The following FGF12 variants were observed in gnomAD, a reference collection of about 807,000 sequenced individuals.
FGF12 encodes the protein fibroblast growth factor 12.
FGF12 carries 14 observed loss-of-function variants against 23.6 expected under a neutral mutation model. The observed-to-expected ratio is 0.59, with a 90% CI of 0.39 to 0.93. FGF12 has a LOEUF of 0.93. FGF12 is among the 40% of genes least tolerant of loss of function. The pLI, the probability that FGF12 is intolerant of heterozygous loss-of-function variation, is 0.00. For missense variants in FGF12, 175 were observed against 217.8 expected (o/e 0.80, Z 1.24); for synonymous variants, 62 against 77.3 (o/e 0.80, Z 1.04).
At chr3:192,493,645 A>G (rs1723865984) in intron 2 of FGF12, among the ~76,000 whole-genome samples, 2 of 152,252 alleles carry the variant, frequency 1.3e-5, no homozygotes, top group African/African-American at 4.8e-5. Flanking sequence ...GGCCTCAGGA[A>G]ACTTACAATC....
intron 4 of FGF12, among the ~76,000 whole-genome samples, chr3:192,278,745 A>G (rs908298810): frequency 6.6e-6 from 1 of 152,218 alleles, no homozygotes; most frequent in African/African-American, 2.4e-5. Context: ...GACCGGACAG[A>G]GTTTCAGTTG....
In FGF12 at chr3:192,452,932, A is replaced by C. The variant is rs77531128; in HGVS notation, c.14-92394T>G. On this transcript the variant is annotated intron_variant, in intron 2 of 5. Transcript: ENST00000445105. ...TATTGTATATACATGCATATTTTTT[A>C]TTAACCTACCTAATGTGCCTGTTTC... 4.0e-3 allele frequency among the ~76,000 whole-genome samples: 602 copies of C among 152,180 alleles called. 2 individuals carry two copies. The highest frequency in any genetic ancestry group is 0.014 in the African/African-American group (562 of 41,530).
At chr3:192,666,565 T>C (rs956346908) in intron 2 of FGF12, among the ~76,000 whole-genome samples, 2 of 152,196 alleles carry the variant, frequency 1.3e-5, no homozygotes, top group Admixed American at 6.5e-5. Flanking sequence ...ACAGGGACCA[T>C]AGTCTGGCTG....
chr3:192,595,821 A>G (rs1048000569), intron 2 of FGF12, among the ~76,000 whole-genome samples: 5 of 152,146 alleles, frequency 3.3e-5, no homozygotes, highest in African/African-American at 1.2e-4. Flanking sequence ...AAAGCCAAGC[A>G]CAGTGGCTCA....
chr3:192,179,639 G>A (rs778893105), intron 4 of FGF12, among the ~76,000 whole-genome samples: 10 of 151,258 alleles, frequency 6.6e-5, no homozygotes, highest in Non-Finnish European at 8.8e-5. Flanking sequence ...TCCGCCTCCC[G>A]GGTTCAAGTG....
chr3:192,405,210 A>T (rs1720912355), intron 2 of FGF12, among the ~76,000 whole-genome samples: 1 of 151,104 alleles, frequency 6.6e-6, no homozygotes, highest in African/African-American at 2.5e-5. Context: ...GGCCATACCT[A>T]GTCATTTCCC....
intron 2 of FGF12, among the ~76,000 whole-genome samples, chr3:192,722,629 A>C (rs1321386805): frequency 6.6e-6 from 1 of 152,158 alleles, no homozygotes; most frequent in East Asian, 1.9e-4. Flanking sequence ...TAAGTTTCCC[A>C]CACTTCTCCC....
chr3:192,156,892 A>AT (rs1714456619), intron 5 of FGF12, among the ~76,000 whole-genome samples: 1 of 151,746 alleles, frequency 6.6e-6, no homozygotes, highest in South Asian at 2.1e-4. Flanking sequence ...TTTTCTTCTT[A>AT]TTTTTCCTCT....
chr3:192,251,631 A>G (rs1192179986), intron 4 of FGF12, among the ~76,000 whole-genome samples: 2 of 152,188 alleles, frequency 1.3e-5, no homozygotes, highest in Admixed American at 1.3e-4. Context: ...TGTATTATAT[A>G]CAATACAAAG....
chr3:192,525,832 T>C (rs1724929691), intron 2 of FGF12, among the ~76,000 whole-genome samples: 2 of 152,238 alleles, frequency 1.3e-5, no homozygotes. Context: ...TGGAGTGCAG[T>C]GGCACCGTCT....
chr3:192,193,745 C>A (rs1170155070), intron 4 of FGF12, among the ~76,000 whole-genome samples: 1 of 152,026 alleles, frequency 6.6e-6, no homozygotes, highest in East Asian at 1.9e-4. Context: ...CTTTTAAATA[C>A]TAGAAAGCAG....
chr3:192,691,053 C>T (rs1429769326), intron 2 of FGF12, among the ~76,000 whole-genome samples: 1 of 151,796 alleles, frequency 6.6e-6, no homozygotes, highest in Non-Finnish European at 1.5e-5. Context: ...ATTAACAGAT[C>T]CGAAGGGGGA....
chr3:192,463,271 T>A lies in FGF12; in HGVS notation c.14-102733A>T, dbSNP rs548572043. 1.8e-4 allele frequency among the ~76,000 whole-genome samples: 28 copies of A among 151,982 alleles called. No homozygotes were observed. In the South Asian group the frequency reaches 5.8e-3, roughly 32 times the overall value. On this transcript the variant is annotated intron_variant, in intron 2 of 5. Coordinates refer to ENST00000445105, the MANE Select transcript of FGF12 (RefSeq NM_004113.6). ...CCATTTCTACTAAAAATACAAAAAA[T>A]TAGCCAGGTGTGGTGGCACATACCT...
Position 192,348,573 on chromosome 3 carries a change from G to C in FGF12, c.124+11855C>G, listed in dbSNP as rs371898151. Among the ~76,000 whole-genome samples, 26 of 152,148 alleles carry C rather than the reference G, an allele frequency of 1.7e-4. No individual in the cohort carries two copies. The East Asian group carries it at 3.3e-3, about 19-fold the overall frequency. Reference sequence around the variant, plus strand: ...TAAAGTAAACCTCCATAATATTTTAGAACTAAACCACGTTGCCTTCTTAAT... The same window carrying C: ...TAAAGTAAACCTCCATAATATTTTACAACTAAACCACGTTGCCTTCTTAAT... On this transcript the variant is annotated intron_variant, in intron 3 of 5. Coordinates refer to ENST00000445105, the MANE Select transcript of FGF12 (RefSeq NM_004113.6).
chr3:192,430,050 A>G (rs963041460), intron 2 of FGF12, among the ~76,000 whole-genome samples: 4 of 152,182 alleles, frequency 2.6e-5, no homozygotes, highest in Non-Finnish European at 5.9e-5. Context: ...AATTACCTTA[A>G]GAATTTGGCC....
chr3:192,159,348 G>C (rs1368318483), intron 5 of FGF12, among the ~76,000 whole-genome samples: 2 of 152,166 alleles, frequency 1.3e-5, no homozygotes, highest in Non-Finnish European at 2.9e-5. Flanking sequence ...TTTTTGACAA[G>C]ATGTTTTCAC....
At chr3:192,714,513 ATTTTTTTTT>A (rs770781442) in intron 2 of FGF12, among the ~76,000 whole-genome samples, 1 of 99,738 alleles carries the variant, frequency 1.0e-5, no homozygotes, top group South Asian at 3.9e-4. Flanking sequence ...TAAGGAAATA[ATTTTTTTTT>A]TTTTTTTTTT....
At chr3:192,440,211 T>C (rs1425335875) in intron 2 of FGF12, among the ~76,000 whole-genome samples, 1 of 152,140 alleles carries the variant, frequency 6.6e-6, no homozygotes, top group Non-Finnish European at 1.5e-5. Flanking sequence ...AAAACAATTT[T>C]TATTTGTTAT....
At chr3:192,644,504 TG>T (rs1330058114) in intron 2 of FGF12, among the ~76,000 whole-genome samples, 1 of 152,176 alleles carries the variant, frequency 6.6e-6, no homozygotes, top group Non-Finnish European at 1.5e-5. Flanking sequence ...TAATTTTTGT[TG>T]AATCATTGAT....
Sources: allele counts gnomAD v4.1 joint callset (sites outside exome capture counted in the v4.1 genomes callset), GRCh38; gene constraint gnomAD v4.1.1; transcripts MANE v1.5; gene names NCBI Gene and HGNC (gene_info 2026-07-23, HGNC 2026-07-21).